The following LIN7B variants were observed in gnomAD, a reference collection of about 807,000 sequenced individuals.
LIN7B encodes protein lin-7 homolog B.
A neutral mutation model predicts 27.9 loss-of-function variants in LIN7B; 16 were observed. That is an observed-to-expected ratio of 0.57 (90% CI 0.39 to 0.87). LIN7B has a LOEUF of 0.87. Ranked by LOEUF, LIN7B falls within the 40% of genes least tolerant of loss-of-function variation. The pLI, the probability that LIN7B is intolerant of heterozygous loss-of-function variation, is 0.00. For missense variants in LIN7B, 291 were observed against 288.5 expected (o/e 1.01, Z -0.06); for synonymous variants, 147 against 120.8 (o/e 1.22, Z -1.42).
rs2040803342 is a variant in LIN7B at position 49,115,040 on chromosome 19, G to A, written c.156+73G>A. ...CTCCTCCTCCTCCTGCTTGTCCCGA[G>A]CCCGGAGACTACGCCTCCCGGCAGC... On this transcript the variant is annotated intron_variant, in intron 2 of 5. Transcript: ENST00000221459. 20 of 1,080,800 alleles carry A rather than the reference G, an allele frequency of 1.9e-5. 3 individuals carry two copies. In the South Asian group the frequency reaches 3.2e-4, roughly 17 times the overall value. 67.0% of individuals were successfully genotyped at this position (1,080,800 alleles called of 1,614,324 possible).
In LIN7B at chr19:49,115,180, A is replaced by T. The variant is rs989438897; in HGVS notation, c.157-80A>T. On this transcript the variant is annotated intron_variant, in intron 2 of 5. Transcript: ENST00000221459. Reference sequence around the variant, plus strand: ...GGGCGGATCCTTGCGTGGTAGCGGGAGAGGGTCTAGAGGCCTGAACTCCTG... The same window carrying T: ...GGGCGGATCCTTGCGTGGTAGCGGGTGAGGGTCTAGAGGCCTGAACTCCTG... 6 of 1,243,698 alleles carry T rather than the reference A, an allele frequency of 4.8e-6. No individual in the cohort carries two copies. The African/African-American group carries it at 9.4e-5, about 19-fold the overall frequency. 77.0% of individuals were successfully genotyped at this position (1,243,698 alleles called of 1,614,324 possible).
chr19:49,115,045 G>C (rs947506947), intron 2 of LIN7B, 78 bp downstream of exon 2: 2 of 1,056,758 alleles, frequency 1.9e-6, no homozygotes, highest in African/African-American at 1.7e-5. Context: ...CCCGAGCCCG[G>C]AGACTACGCC....
intron 3 of LIN7B, chr19:49,115,810 AC>A (rs1199482308): frequency 1.3e-5 from 2 of 148,652 alleles, no homozygotes; most frequent in Non-Finnish European, 2.9e-5. Flanking sequence ...ACATGGTGAA[AC>A]CCCGTCTCCA....
At chr19:49,116,634 C>T (rs865906056) in intron 4 of LIN7B, among the ~76,000 whole-genome samples, 162 bp downstream of exon 4, 9 of 152,264 alleles carry the variant, frequency 5.9e-5, no homozygotes, top group African/African-American at 2.2e-4. Context: ...CAGCTCCCTA[C>T]ACTCAACCTT....
At chr19:49,116,545 C>T in intron 4 of LIN7B, 73 bp downstream of exon 4, 1 of 1,308,534 alleles carries the variant, frequency 7.6e-7, no homozygotes, top group South Asian at 1.3e-5. Context: ...TTTTGACATT[C>T]ACTCAACACA....
In LIN7B at chr19:49,116,261, A is replaced by G; in HGVS notation, c.229-2A>G. 6.2e-7 allele frequency: 1 copy of G among 1,612,102 alleles called. No homozygotes were observed. Among genetic ancestry groups the G allele is most frequent in the Non-Finnish European group, 8.5e-7 (1 of 1,178,888 alleles). The stretch of plus-strand genomic sequence containing the variant: ...CATCTTCAGTCGCTTTCTCTCTCCC[A>G]GGCCACAGTGGCTGCCTTCACAGCC... On this transcript the variant is annotated splice_acceptor_variant, in intron 3 of 5. Transcript: ENST00000221459. LOFTEE classifies it high-confidence loss of function.
chr19:49,118,329 T>G (rs368637846), intron 5 of LIN7B, 23 bp from the exon 6 acceptor site: 30 of 1,613,808 alleles, frequency 1.9e-5, no homozygotes, highest in Non-Finnish European at 2.5e-5. Context: ...TGATCCCGGG[T>G]CCCTTGTCCA....
In LIN7B at chr19:49,116,343, A is replaced by G. The variant is rs1447557989; in HGVS notation, c.309A>G (p.Leu103=). The G allele has an allele frequency of 2.5e-6, 4 of 1,614,192 alleles. No homozygotes were observed. The East Asian group carries it at 8.9e-5, about 36-fold the overall frequency. The stretch of plus-strand genomic sequence containing the variant: ...AGCTACCCAAGACGGATGAGGGCCT[A>G]GGCTTCAACATCATGGGTGGCAAAG... ...VVELPKTDEG[L]GFNIMGGKEQ... The change falls in exon 4 of 6, where the codon CTA becomes CTG. Residue 103 remains leucine, a synonymous_variant. Transcript: ENST00000221459.
At chr19:49,114,766 C>G in intron 1 of LIN7B, 83 bp from the exon 2 acceptor site, 1 of 789,126 alleles carries the variant, frequency 1.3e-6, no homozygotes, top group Non-Finnish European at 1.8e-6. Flanking sequence ...GTGCGCTCGG[C>G]CTCACTCCGC....
chr19:49,116,397 G>C lies in LIN7B; in HGVS notation c.363G>C (p.Arg121=), dbSNP rs767734709. The change falls in exon 4 of 6, where the codon CGG becomes CGC. Residue 121 remains arginine, a synonymous_variant. Coordinates refer to ENST00000221459, the MANE Select transcript of LIN7B (RefSeq NM_022165.3). ...AAAACTCGCCCATCTACATCTCCCG[G>C]GTCATCCCAGGGGGTGTGGCTGACC... ...KEQNSPIYIS[R]VIPGGVADRH... 1 of 1,614,218 alleles carries C rather than the reference G, an allele frequency of 6.2e-7. No homozygotes were observed.
chr19:49,114,557 T>TGGGCG (rs2040792578), intron 1 of LIN7B, 116 bp downstream of exon 1: 9 of 843,668 alleles, frequency 1.1e-5, no homozygotes, highest in Admixed American at 4.5e-5. Flanking sequence ...CCGGAGGGGG[T>TGGGCG]GGGCGGGGCG....
In LIN7B at chr19:49,115,200, C is replaced by A. The variant is rs1009212; in HGVS notation, c.157-60C>A. ...GCGGGAGAGGGTCTAGAGGCCTGAA[C>A]TCCTGCGTCTAGGGCTGGAGGAGCT... On this transcript the variant is annotated intron_variant, in intron 2 of 5. Coordinates refer to ENST00000221459, the MANE Select transcript of LIN7B (RefSeq NM_022165.3). 1.1e-3 allele frequency: 1,561 copies of A among 1,466,606 alleles called. 5 individuals are homozygous for A. Among genetic ancestry groups the A allele is most frequent in the Non-Finnish European group, 1.3e-3 (1,445 of 1,078,416 alleles). The allele number at this position is 1,466,606 out of a possible 1,614,324, so 90.8% of individuals were successfully genotyped here.
At position 49,117,966 on chromosome 19, in the gene LIN7B, C is replaced by G. The variant is rs760522070; in HGVS notation, c.550C>G (p.Arg184Gly). 1.9e-6 allele frequency: 3 copies of G among 1,614,004 alleles called. No homozygotes were observed. The highest frequency in any genetic ancestry group is 1.7e-6 in the Non-Finnish European group (2 of 1,179,954). The change falls in exon 5 of 6, where the codon CGG becomes GGG. Residue 184 changes from arginine (R) to glycine (G), a missense_variant. By Grantham distance (125) the Arg-to-Gly change is moderately radical. Coordinates refer to ENST00000221459, the MANE Select transcript of LIN7B (RefSeq NM_022165.3). Reference sequence around the variant, plus strand: ...GCGAGTGCTGGAGGAGATGGAGGCCCGGTTCGAGAAGATGCGCTCTGCCCG... The same window carrying G: ...GCGAGTGCTGGAGGAGATGGAGGCCGGGTTCGAGAAGATGCGCTCTGCCCG... ...TPRVLEEMEA[R>G]FEKMRSARRR...
chr19:49,116,081 G>C, intron 3 of LIN7B, 182 bp from the exon 4 acceptor site: 2 of 570,688 alleles, frequency 3.5e-6, no homozygotes, highest in Non-Finnish European at 6.2e-6. Flanking sequence ...ACTTTCTCTT[G>C]CAAGTGAACA....
At chr19:49,115,075 G>A in intron 2 of LIN7B, 108 bp downstream of exon 2, 1 of 916,754 alleles carries the variant, frequency 1.1e-6, no homozygotes, top group South Asian at 2.0e-5. Context: ...CTCCCGAGGC[G>A]GCCCGCCTTG....
At chr19:49,117,733 G>A in intron 4 of LIN7B, 122 bp from the exon 5 acceptor site, 1 of 801,884 alleles carries the variant, frequency 1.2e-6, no homozygotes, top group South Asian at 1.6e-5. Flanking sequence ...CCACGAGGAG[G>A]ACATGAGGCA....
At position 49,117,925 on chromosome 19, in the gene LIN7B, T is replaced by C. The variant is rs972604780; in HGVS notation, c.509T>C (p.Val170Ala). 1.9e-5 allele frequency: 30 copies of C among 1,613,976 alleles called. No homozygotes were observed. Among genetic ancestry groups the C allele is most frequent in the Non-Finnish European group, 1.4e-5 (17 of 1,179,988 alleles). ...LKAAQGSVKL[V>A]VRYTPRVLEE... ...GCGGCCCAGGGCTCGGTGAAGCTGGTTGTCCGTTACACACCGCGAGTGCTG... is the reference window on the plus strand; with the variant it reads ...GCGGCCCAGGGCTCGGTGAAGCTGGCTGTCCGTTACACACCGCGAGTGCTG... The change falls in exon 5 of 6, where the codon GTT (valine) becomes GCT (alanine). Residue 170 changes from valine to alanine, a missense_variant. Transcript: ENST00000221459.
At chr19:49,117,782 G>A in intron 4 of LIN7B, 73 bp from the exon 5 acceptor site, 1 of 1,365,314 alleles carries the variant, frequency 7.3e-7, no homozygotes, top group Non-Finnish European at 1.0e-6. Context: ...ACTAGCAGTG[G>A]GTCCCATCTC....
intron 3 of LIN7B, 167 bp from the exon 4 acceptor site, chr19:49,116,094 AAG>A (rs539041424): frequency 3.0e-4 from 180 of 590,792 alleles, no homozygotes; most frequent in African/African-American, 2.3e-3. Flanking sequence ...AGTGAACAGA[AAG>A]AGACGCACAG....
Sources: allele counts gnomAD v4.1 joint callset (sites outside exome capture counted in the v4.1 genomes callset), GRCh38; gene constraint gnomAD v4.1.1; transcripts MANE v1.5; gene names NCBI Gene and HGNC (gene_info 2026-07-23, HGNC 2026-07-21).